Variants in AGBL1 observed in about 807,000 individuals in gnomAD.
The protein encoded by AGBL1 is AGBL carboxypeptidase 1.
In AGBL1, 130 loss-of-function variants were observed where a neutral mutation model predicts 118.9. The observed-to-expected ratio is 1.09, with a 90% confidence interval of 0.95 to 1.26. AGBL1 has a LOEUF of 1.26. AGBL1 is among the 50% of genes most tolerant of loss of function. AGBL1 has a pLI of 0.00. For missense variants in AGBL1, 1,584 were observed against 1,298.1 expected (o/e 1.22, Z -3.38); for synonymous variants, 555 against 478.9 (o/e 1.16, Z -2.08).
At chr15:86,821,518 A>G (rs1408119736) in intron 22 of AGBL1, among the ~76,000 whole-genome samples, 1 of 152,162 alleles carries the variant, frequency 6.6e-6, no homozygotes. Context: ...TTTAAAAAAG[A>G]TAATAGATAA....
chr15:86,237,682 A>G (rs68168418), intron 6 of AGBL1, among the ~76,000 whole-genome samples: 41,448 of 151,954 alleles, frequency 0.27, 6,690 homozygotes, highest in Admixed American at 0.38. Flanking sequence ...GGATGGATAA[A>G]AAAACTCCTA....
chr15:86,468,879 C>T (rs911988894), intron 18 of AGBL1, among the ~76,000 whole-genome samples: 2 of 152,236 alleles, frequency 1.3e-5, no homozygotes, highest in Non-Finnish European at 2.9e-5. Flanking sequence ...TGCCTCCCCT[C>T]TTGGAACCTA....
chr15:86,804,705 T>C (rs2078694279), intron 22 of AGBL1, among the ~76,000 whole-genome samples: 1 of 152,110 alleles, frequency 6.6e-6, no homozygotes, highest in Admixed American at 6.6e-5. Flanking sequence ...ATCACTATTC[T>C]TGGGGAAGGT....
At chr15:86,841,055 A>G (rs976155547) in intron 22 of AGBL1, among the ~76,000 whole-genome samples, 2 of 152,188 alleles carry the variant, frequency 1.3e-5, no homozygotes, top group African/African-American at 4.8e-5. Flanking sequence ...CTACCATCAG[A>G]AGGTTCTAGG....
At position 87,007,230 on chromosome 15, in the gene AGBL1, C is replaced by T. The variant is rs185833860; in HGVS notation, c.3323+19142C>T. On this transcript the variant is annotated intron_variant, in intron 24 of 24. Transcript: ENST00000441037. ...GTTTTGCATCAAGACCAGGTTCTTACGCTAGCTGTATATATATATAACCAT... is the reference window on the plus strand; with the variant it reads ...GTTTTGCATCAAGACCAGGTTCTTATGCTAGCTGTATATATATATAACCAT... Among the ~76,000 whole-genome samples, 84 of 152,148 alleles carry T rather than the reference C, an allele frequency of 5.5e-4. No individual in the cohort carries two copies. The East Asian group carries it at 8.3e-3, about 15-fold the overall frequency.
chr15:86,910,998 C>G lies in AGBL1; in HGVS notation c.*3704C>G, dbSNP rs1258710426. 1.3e-5 allele frequency: 2 copies of G among 152,274 alleles called. No homozygotes were observed. Among genetic ancestry groups the G allele is most frequent in the East Asian group, 3.8e-4 (2 of 5,202 alleles). The allele number at this position is 152,274 out of a possible 1,614,324, so 9.4% of individuals were successfully genotyped here. A position where few individuals can be genotyped will look rare whatever the true frequency, so the allele number is the denominator to read the frequency against. On this transcript the variant is annotated 3_prime_UTR_variant, in exon 23 of 23. Transcript: ENST00000614907. ...ATTCTTCCAGTCAAGCCAGGACTTT[C>G]TCTTGCTGGCCAGACCACTTCAGTG...
At position 86,724,532 on chromosome 15, in the gene AGBL1, G is replaced by A. The variant is rs560346096; in HGVS notation, c.3158+50096G>A. ...GGCCCAAAAATCACAGCAGCAGGGG[G>A]CAAGGGTAGAGGTAAGGGAGAAAGA... On this transcript the variant is annotated intron_variant, in intron 22 of 22. Transcript: ENST00000614907. 6.6e-5 allele frequency among the ~76,000 whole-genome samples: 10 copies of A among 152,254 alleles called. No homozygotes were observed. The South Asian group carries it at 2.1e-3, about 32-fold the overall frequency.
chr15:86,947,435 T>C (rs1403829857), intron 23 of AGBL1, among the ~76,000 whole-genome samples: 2 of 152,220 alleles, frequency 1.3e-5, no homozygotes, highest in Non-Finnish European at 2.9e-5. Context: ...TTTCATATTT[T>C]ATGTTGTTCT....
Position 86,522,876 on chromosome 15 carries a change from GCCAA to G in AGBL1, c.2626_2629del (p.Thr876PhefsTer11), listed in dbSNP as rs766841502. The G allele has an allele frequency of 7.4e-6, 12 of 1,613,850 alleles. No individual in the cohort carries two copies. The highest frequency in any genetic ancestry group is 1.0e-5 in the Non-Finnish European group (12 of 1,179,864). Reference sequence around the variant, plus strand: ...GGCTTTCTCCCAGTGCTCATCTGCAGCCAACCATTTACCATGCCAAAGGCCTCCT... The same window carrying G: ...GGCTTTCTCCCAGTGCTCATCTGCAGCCATTTACCATGCCAAAGGCCTCCT... On this transcript the variant is annotated frameshift_variant, in exon 19 of 23. Transcript: ENST00000614907. LOFTEE classifies it high-confidence loss of function.
intron 21 of AGBL1, among the ~76,000 whole-genome samples, chr15:86,567,471 C>G (rs1205427372): frequency 6.6e-6 from 1 of 152,104 alleles, no homozygotes; most frequent in Admixed American, 6.5e-5. Flanking sequence ...GAGCCTTCTT[C>G]TAGGAGAAGA....
chr15:86,441,224 T>C (rs2082060798), intron 18 of AGBL1, among the ~76,000 whole-genome samples: 1 of 152,222 alleles, frequency 6.6e-6, no homozygotes, highest in Non-Finnish European at 1.5e-5. Flanking sequence ...ATAGTAAATT[T>C]GGATGCGTGG....
At chr15:86,677,945 A>T (rs920157418) in intron 22 of AGBL1, among the ~76,000 whole-genome samples, 26 of 152,230 alleles carry the variant, frequency 1.7e-4, no homozygotes, top group Non-Finnish European at 2.9e-5. Context: ...AACTACTGTC[A>T]GCATTATGGC....
chr15:86,892,042 C>T (rs1395251946), intron 22 of AGBL1, among the ~76,000 whole-genome samples: 1 of 152,196 alleles, frequency 6.6e-6, no homozygotes, highest in Non-Finnish European at 1.5e-5. Flanking sequence ...CTTTAGACCA[C>T]TTAGGTCAAC....
intron 22 of AGBL1, among the ~76,000 whole-genome samples, chr15:86,841,779 G>A (rs1361096263): frequency 6.6e-6 from 1 of 152,120 alleles, no homozygotes; most frequent in African/African-American, 2.4e-5. Context: ...CCAGAGAGGC[G>A]GAGGTTGTGG....
chr15:86,969,837 A>C (rs1037675202), intron 23 of AGBL1, among the ~76,000 whole-genome samples: 3 of 151,994 alleles, frequency 2.0e-5, no homozygotes, highest in Non-Finnish European at 4.4e-5. Flanking sequence ...GCTATTAACC[A>C]AATCAGGAGC....
Position 86,692,139 on chromosome 15 carries a change from C to G in AGBL1, c.3158+17703C>G, listed in dbSNP as rs529584664. 4.6e-3 allele frequency among the ~76,000 whole-genome samples: 692 copies of G among 151,986 alleles called. 4 individuals are homozygous for G. Among genetic ancestry groups the G allele is most frequent in the African/African-American group, 0.016 (659 of 41,446 alleles). The stretch of plus-strand genomic sequence containing the variant: ...CTTGCAGTGAGCTGACATTGCACCA[C>G]TGCACTCCAGCCTGGGTGACACAGC... On this transcript the variant is annotated intron_variant, in intron 22 of 22. Transcript: ENST00000614907.
intron 21 of AGBL1, among the ~76,000 whole-genome samples, chr15:86,581,077 G>A (rs11634465): frequency 0.2 from 29,816 of 152,066 alleles, 3,081 homozygotes; most frequent in East Asian, 0.28. Flanking sequence ...CAAAAGGGGA[G>A]TTACTAAGTC....
Position 86,613,021 on chromosome 15 carries a change from A to G in AGBL1, c.2994+58484A>G, listed in dbSNP as rs2084678182. Reference sequence around the variant, plus strand: ...ATGTATACCTTACATATAATGATTCATGTCTTTGTCTGTAACTTTTGTCTC... The same window carrying G: ...ATGTATACCTTACATATAATGATTCGTGTCTTTGTCTGTAACTTTTGTCTC... On this transcript the variant is annotated intron_variant, in intron 21 of 22. Coordinates refer to ENST00000614907, the MANE Select transcript of AGBL1 (RefSeq NM_001386094.1). This position sits in a 1 kb window ranked among gnomAD's most constrained non-coding sequence, Gnocchi z 4.2. Among the ~76,000 whole-genome samples, 1 of 151,904 alleles carries G rather than the reference A, an allele frequency of 6.6e-6. No individual in the cohort carries two copies. Among genetic ancestry groups the G allele is most frequent in the South Asian group, 2.1e-4 (1 of 4,832 alleles).
At chr15:86,844,792 A>G (rs2079295624) in intron 22 of AGBL1, among the ~76,000 whole-genome samples, 1 of 152,162 alleles carries the variant, frequency 6.6e-6, no homozygotes, top group Non-Finnish European at 1.5e-5. Context: ...TGCCCAAAGT[A>G]ATGAAAATTT....
Sources: gnomAD v4.1 joint callset for allele counts (sites outside exome capture counted in the v4.1 genomes callset) on GRCh38, gnomAD v4.1.1 for gene constraint, Gnocchi (gnomAD v3.1) non-coding constraint, MANE v1.5 for transcripts, NCBI Gene and HGNC (gene_info 2026-07-23, HGNC 2026-07-21) for gene names.